Variants in MAPK10 observed in about 807,000 individuals in gnomAD.
MAPK10 encodes JNK3 alpha protein kinase.
In MAPK10, 25 loss-of-function variants were observed where a neutral mutation model predicts 59.3. The observed-to-expected ratio is 0.42, with a 90% CI of 0.31 to 0.59. The LOEUF is 0.59. Ranked by LOEUF, MAPK10 falls within the 20% of genes least tolerant of loss-of-function variation. MAPK10 has a pLI of 0.15. For missense variants in MAPK10, 351 were observed against 568.9 expected, an observed-to-expected ratio of 0.62 and a Z score of 3.90; for synonymous variants, 190 against 200.5, an observed-to-expected ratio of 0.95 and a Z score of 0.44.
At chr4:86,119,266 C>T (rs1421003041) in intron 4 of MAPK10, among the ~76,000 whole-genome samples, 2 of 152,112 alleles carry the variant, frequency 1.3e-5, no homozygotes, top group African/African-American at 4.8e-5. Context: ...CGCACTTTTG[C>T]CTTCGATTTT....
intron 2 of MAPK10, among the ~76,000 whole-genome samples, chr4:86,350,029 T>A (rs529958626): frequency 2.4e-4 from 36 of 152,134 alleles, no homozygotes; most frequent in African/African-American, 7.7e-4. Context: ...AAAATGGGGA[T>A]GGATGGGAGT....
chr4:86,242,511 G>A (rs942970905), intron 2 of MAPK10, among the ~76,000 whole-genome samples: 1 of 152,192 alleles, frequency 6.6e-6, no homozygotes, highest in Non-Finnish European at 1.5e-5. Context: ...TCAGGCCCAG[G>A]GAGATCCAAA....
At chr4:86,021,061 T>C (rs530481835) in intron 13 of MAPK10, among the ~76,000 whole-genome samples, 5 of 152,254 alleles carry the variant, frequency 3.3e-5, no homozygotes, top group African/African-American at 1.2e-4. Context: ...ACAAAGGTTC[T>C]CCACGTCCCC....
upstream of MAPK10, among the ~76,000 whole-genome samples, chr4:86,364,058 A>G (rs1737427449): frequency 6.6e-6 from 1 of 151,802 alleles, no homozygotes; most frequent in South Asian, 2.1e-4. Flanking sequence ...CTGGGATTAC[A>G]GACAGGTATG....
At chr4:86,552,457 G>C (rs1388778247) in intron 1 of MAPK10, among the ~76,000 whole-genome samples, 1 of 84,916 alleles carries the variant, frequency 1.2e-5, no homozygotes, top group Admixed American at 1.2e-4. Context: ...AGGAAGGAAG[G>C]AAGGAGGGAG....
chr4:86,078,113 A>G (rs990328312), intron 9 of MAPK10, among the ~76,000 whole-genome samples: 1 of 152,222 alleles, frequency 6.6e-6, no homozygotes, highest in Non-Finnish European at 1.5e-5. Flanking sequence ...CATAAAAAAC[A>G]CCAGTGGTAA....
rs187790828 is a variant in MAPK10 at position 86,197,582 on chromosome 4, A to G, written c.-6-3175T>C. ...AAATGTAGCATGCAGAGTACAGGAA[A>G]CAAGATTTAGACCTATCTACAGTGG... On this transcript the variant is annotated intron_variant, in intron 2 of 13. Coordinates refer to ENST00000641462, the MANE Select transcript of MAPK10 (RefSeq NM_138982.4). 1.1e-4 allele frequency among the ~76,000 whole-genome samples: 17 copies of G among 152,286 alleles called. No individual in the cohort carries two copies. In the East Asian group the frequency reaches 3.1e-3, roughly 28 times the overall value.
intron 2 of MAPK10, among the ~76,000 whole-genome samples, chr4:86,225,040 C>T (rs2090369277): frequency 6.6e-6 from 1 of 152,018 alleles, no homozygotes; most frequent in Non-Finnish European, 1.5e-5. Flanking sequence ...AAGTTAATAC[C>T]CTAGGGGAAA....
intron 2 of MAPK10, 43 bp from the exon 3 acceptor site, chr4:86,194,450 T>G: frequency 9.1e-7 from 1 of 1,099,802 alleles, no homozygotes; most frequent in Non-Finnish European, 1.4e-6. Context: ...AAATCACTAG[T>G]TTTTCATTAT....
intron 11 of MAPK10, among the ~76,000 whole-genome samples, chr4:86,063,608 T>A (rs560043211): frequency 1.4e-4 from 22 of 152,052 alleles, no homozygotes; most frequent in Middle Eastern, 3.4e-3. Flanking sequence ...AGGAGAGAGG[T>A]AAAGATGAAA....
chr4:86,204,158 T>G (rs1347795709), intron 2 of MAPK10, among the ~76,000 whole-genome samples: 3 of 151,958 alleles, frequency 2.0e-5, no homozygotes, highest in Non-Finnish European at 4.4e-5. Context: ...ATAGAAAAAG[T>G]TTGCCAACCT....
intron 1 of MAPK10, chr4:86,392,325 G>A (rs539772723): frequency 6.6e-6 from 1 of 152,254 alleles, no homozygotes; most frequent in Admixed American, 6.5e-5. Flanking sequence ...TGTAGTCCCA[G>A]CTATTCAGGA....
chr4:86,540,264 G>C (rs967325137), intron 1 of MAPK10, among the ~76,000 whole-genome samples: 1 of 152,212 alleles, frequency 6.6e-6, no homozygotes, highest in African/African-American at 2.4e-5. Context: ...ACTTTGGAAG[G>C]CCAAGCTGGG....
intron 1 of MAPK10, among the ~76,000 whole-genome samples, chr4:86,527,755 T>A (rs1757580132): frequency 6.6e-6 from 1 of 152,154 alleles, no homozygotes; most frequent in South Asian, 2.1e-4. Context: ...GACATGGAAT[T>A]AACCTAGGTG....
At chr4:86,527,619 T>G (rs1757564691) in intron 1 of MAPK10, among the ~76,000 whole-genome samples, 1 of 152,138 alleles carries the variant, frequency 6.6e-6, no homozygotes, top group Non-Finnish European at 1.5e-5. Context: ...TCAAAGCACT[T>G]AAAACAGAAC....
chr4:86,047,365 G>A (rs2042692586), intron 11 of MAPK10, among the ~76,000 whole-genome samples: 1 of 152,134 alleles, frequency 6.6e-6, no homozygotes, highest in East Asian at 1.9e-4. Context: ...AATGTCCCAG[G>A]CAGAAGGAAA....
At chr4:86,396,362 A>G (rs1742950067) in intron 1 of MAPK10, among the ~76,000 whole-genome samples, 1 of 152,168 alleles carries the variant, frequency 6.6e-6, no homozygotes, top group African/African-American at 2.4e-5. Context: ...AAAGAAAGAA[A>G]GTAGCGTTTC....
chr4:86,388,899 T>G (rs1055888803), intron 1 of MAPK10, among the ~76,000 whole-genome samples: 3 of 152,194 alleles, frequency 2.0e-5, no homozygotes, highest in African/African-American at 7.2e-5. Context: ...AAATATTTGT[T>G]AAGTGAATAA....
At chr4:86,524,470 C>T (rs544954029) in intron 1 of MAPK10, among the ~76,000 whole-genome samples, 2 of 152,166 alleles carry the variant, frequency 1.3e-5, no homozygotes, top group African/African-American at 4.8e-5. Flanking sequence ...TCAGTTCTTG[C>T]ACATGTATTT....
Sources: allele counts gnomAD v4.1 joint callset (sites outside exome capture counted in the v4.1 genomes callset), GRCh38; gene constraint gnomAD v4.1.1; transcripts MANE v1.5; gene names NCBI Gene and HGNC (gene_info 2026-07-23, HGNC 2026-07-21).